The following BMP3 variants were observed in gnomAD, a reference collection of about 807,000 sequenced individuals.
The protein encoded by BMP3 is bone morphogenetic protein 3, also known as bone morphogenetic protein 3 (osteogenic).
Under a neutral mutation model 38.1 loss-of-function variants are expected in BMP3, and 23 were observed. The observed-to-expected ratio is 0.60, with a 90% CI of 0.43 to 0.86. The LOEUF is 0.86. Ranked by LOEUF, BMP3 falls within the 40% of genes least tolerant of loss-of-function variation. BMP3 has a pLI of 0.00. For missense variants in BMP3, 628 were observed against 579.6 expected (o/e 1.08, Z -0.86); for synonymous variants, 258 against 225.7 (o/e 1.14, Z -1.28).
At position 81,040,674 on chromosome 4, in the gene BMP3, T is replaced by A. The variant is rs555457193; in HGVS notation, c.317-5064T>A. 2.6e-5 allele frequency among the ~76,000 whole-genome samples: 4 copies of A among 152,302 alleles called. No homozygotes were observed. The East Asian group carries it at 7.7e-4, about 29-fold the overall frequency. On this transcript the variant is annotated intron_variant, in intron 1 of 2. Coordinates refer to ENST00000282701, the MANE Select transcript of BMP3 (RefSeq NM_001201.5). ...GAGATAGTTTCCAGACCCCTCAACA[T>A]CTGGGTTACTTTCCAAGTTGCTCTC...
At position 81,045,816 on chromosome 4, in the gene BMP3, T is replaced by G. The variant is rs1560512378; in HGVS notation, c.395T>G (p.Leu132Arg). The G allele has an allele frequency of 6.2e-7, 1 of 1,614,072 alleles. No homozygotes were observed. The highest frequency in any genetic ancestry group is 8.5e-7 in the Non-Finnish European group (1 of 1,179,968). ...TKSENILSAT[L>R]YFCIGELGNI... ...TCTGAAAACATTTTGTCTGCCACAC[T>G]GTATTTCTGTATTGGAGAGCTAGGA... The change falls in exon 2 of 3, where the codon CTG (leucine) becomes CGG (arginine). Residue 132 changes from leucine (L) to arginine (R), a missense_variant. By Grantham distance (102) the Leu-to-Arg change is moderately radical. Transcript: ENST00000282701.
chr4:81,045,105 C>T (rs920552977), intron 1 of BMP3, among the ~76,000 whole-genome samples: 6 of 152,134 alleles, frequency 3.9e-5, no homozygotes, highest in Non-Finnish European at 8.8e-5. Context: ...ATTTCTCCAC[C>T]TTCTCAGTAA....
chr4:81,035,416 A>G (rs1251669023), intron 1 of BMP3, among the ~76,000 whole-genome samples: 3 of 152,090 alleles, frequency 2.0e-5, no homozygotes, highest in Non-Finnish European at 4.4e-5. Flanking sequence ...TAAATAATTC[A>G]GAATGAATTA....
intron 1 of BMP3, among the ~76,000 whole-genome samples, chr4:81,036,343 A>G (rs1011337419): frequency 1.3e-5 from 2 of 152,056 alleles, no homozygotes; most frequent in African/African-American, 4.8e-5. Flanking sequence ...TGTTATATTT[A>G]ATAGGCATAA....
At position 81,031,144 on chromosome 4, in the gene BMP3, C is replaced by A; in HGVS notation, c.-141C>A. On this transcript the variant is annotated 5_prime_UTR_variant, in exon 1 of 3. Coordinates refer to ENST00000282701, the MANE Select transcript of BMP3 (RefSeq NM_001201.5). Reference sequence around the variant, plus strand: ...AGTGGGGCTGGCCGCTATCTCGCTGCACCCGGCCGCGTCCCGGGCTCCGTG... The same window carrying A: ...AGTGGGGCTGGCCGCTATCTCGCTGAACCCGGCCGCGTCCCGGGCTCCGTG... The A allele has an allele frequency of 1.1e-6, 1 of 895,872 alleles. No homozygotes were observed. Among genetic ancestry groups the A allele is most frequent in the Non-Finnish European group, 1.6e-6 (1 of 610,192 alleles). 55.5% of individuals were successfully genotyped at this position (895,872 alleles called of 1,614,324 possible). A position where few individuals can be genotyped will look rare whatever the true frequency, so the allele number is the denominator to read the frequency against.
intron 2 of BMP3, 74 bp from the exon 3 acceptor site, chr4:81,053,271 T>G (rs1453887097): frequency 5.5e-6 from 6 of 1,081,462 alleles, no homozygotes; most frequent in Non-Finnish European, 7.6e-6. Context: ...ATAAGCATTT[T>G]GTGTAATGAG....
intron 2 of BMP3, among the ~76,000 whole-genome samples, chr4:81,051,033 G>A (rs1235537936): frequency 2.0e-5 from 3 of 151,838 alleles, no homozygotes; most frequent in Non-Finnish European, 4.4e-5. Context: ...AAAAAAGCAG[G>A]GGAAACTTCC....
Position 81,053,763 on chromosome 4 carries a change from C to T in BMP3, c.*227C>T, listed in dbSNP as rs1263216479. On this transcript the variant is annotated 3_prime_UTR_variant, in exon 3 of 3. Transcript: ENST00000282701. ...AAGCAAGATTTTTAGTAAATATGGACATCTATTTCTCTTTTTGTAATCAAA... is the reference window on the plus strand; with the variant it reads ...AAGCAAGATTTTTAGTAAATATGGATATCTATTTCTCTTTTTGTAATCAAA... 6.3e-6 allele frequency: 2 copies of T among 316,752 alleles called. No homozygotes were observed. The highest frequency in any genetic ancestry group is 2.2e-5 in the African/African-American group (1 of 46,488). The allele number at this position is 316,752 out of a possible 1,614,324, so 19.6% of individuals were successfully genotyped here.
chr4:81,032,199 A>AC (rs1227260156), intron 1 of BMP3, among the ~76,000 whole-genome samples: 2 of 99,242 alleles, frequency 2.0e-5, no homozygotes, highest in Non-Finnish European at 4.0e-5. Context: ...AGTGGCAAAA[A>AC]AAAAAAAAAA....
rs1740477996 is a variant in BMP3 at position 81,054,018 on chromosome 4, T to C, written c.*482T>C. ...GATGTTTTTCTTAAGTTCTTGAGAC[T>C]CTTGTTTATCCTTGTTTTTCCTCCA... is the stretch of plus-strand genomic sequence containing the variant. On this transcript the variant is annotated 3_prime_UTR_variant, in exon 3 of 3. Transcript: ENST00000282701. The C allele has an allele frequency of 6.5e-6, 1 of 152,878 alleles. No individual in the cohort carries two copies. Among genetic ancestry groups the C allele is most frequent in the Non-Finnish European group, 1.5e-5 (1 of 68,274 alleles). The allele number at this position is 152,878 out of a possible 1,614,324, so 9.5% of individuals were successfully genotyped here.
At chr4:81,049,391 G>A (rs1217486248) in intron 2 of BMP3, among the ~76,000 whole-genome samples, 1 of 152,190 alleles carries the variant, frequency 6.6e-6, no homozygotes, top group Non-Finnish European at 1.5e-5. Context: ...TATTTGGAGA[G>A]TAAGAGAATC....
chr4:81,043,789 A>G (rs960726666), intron 1 of BMP3, among the ~76,000 whole-genome samples: 24 of 151,932 alleles, frequency 1.6e-4, no homozygotes, highest in African/African-American at 5.8e-4. Flanking sequence ...GGGTTTCACT[A>G]TGGTGGCCAG....
chr4:81,032,220 A>AAAAAAAAAAAAG (rs70956086), intron 1 of BMP3, among the ~76,000 whole-genome samples: 1 of 144,138 alleles, frequency 6.9e-6, no homozygotes, highest in African/African-American at 2.6e-5. Context: ...AAAAAAAAAA[A>AAAAAAAAAAAAG]CAGGTGCTTG....
rs1336599657 is a variant in BMP3 at position 81,031,293 on chromosome 4, G to A, written c.9G>A (p.Gly3=). The A allele has an allele frequency of 1.9e-6, 3 of 1,602,974 alleles. No homozygotes were observed. The South Asian group carries it at 3.4e-5, about 18-fold the overall frequency. ...CGCGCGGGTACCTAGCCATGGCTGGGGCGAGCAGGCTGCTCTTTCTGTGGC... is the reference window on the plus strand; with the variant it reads ...CGCGCGGGTACCTAGCCATGGCTGGAGCGAGCAGGCTGCTCTTTCTGTGGC... The part of the protein sequence containing the change: MA[G]ASRLLFLWLG... Residue 3 remains glycine, a synonymous_variant, in exon 1 of 3, where the codon GGG becomes GGA. Transcript: ENST00000282701.
chr4:81,031,733 C>T (rs1739777527), intron 1 of BMP3, 133 bp downstream of exon 1: 2 of 1,098,322 alleles, frequency 1.8e-6, no homozygotes, highest in Non-Finnish European at 2.5e-6. Context: ...CTCAGCTGCC[C>T]TCTGGATTCC....
At chr4:81,034,278 A>G (rs907238836) in intron 1 of BMP3, among the ~76,000 whole-genome samples, 1 of 152,290 alleles carries the variant, frequency 6.6e-6, no homozygotes, top group African/African-American at 2.4e-5. Flanking sequence ...GTTTACATAA[A>G]GATAGGTTTT....
At chr4:81,048,192 TCAAA>T (rs991693161) in intron 2 of BMP3, among the ~76,000 whole-genome samples, 27 of 152,144 alleles carry the variant, frequency 1.8e-4, no homozygotes, top group African/African-American at 5.6e-4. Flanking sequence ...ATTTTACTGA[TCAAA>T]CAAAGTTGTT....
rs921441562 is a variant in BMP3 at position 81,030,708 on chromosome 4, C to A, written c.-577C>A. 1.3e-5 allele frequency among the ~76,000 whole-genome samples: 2 copies of A among 151,240 alleles called. No individual in the cohort carries two copies. The highest frequency in any genetic ancestry group is 2.4e-5 in the African/African-American group (1 of 41,226). ...CAGCTAGAGAGCGAAAGAACTAAGT[C>A]TCTCTCTCTCATACACACACACACA... On this transcript the variant is annotated 5_prime_UTR_variant, in exon 1 of 3. Transcript: ENST00000282701.
intron 1 of BMP3, 55 bp downstream of exon 1, chr4:81,031,655 G>C: frequency 2.0e-6 from 3 of 1,485,134 alleles, no homozygotes; most frequent in East Asian, 4.9e-5. Flanking sequence ...CTTTCTCCCG[G>C]GACCCCCCAC....
Sources: gnomAD v4.1 joint callset for allele counts (sites outside exome capture counted in the v4.1 genomes callset) on GRCh38, gnomAD v4.1.1 for gene constraint, MANE v1.5 for transcripts, NCBI Gene and HGNC (gene_info 2026-07-23, HGNC 2026-07-21) for gene names.